Variants in SCFD2 observed in about 807,000 individuals in gnomAD.
SCFD2 encodes sec1 family domain-containing protein 2.
Under a neutral mutation model 58.9 loss-of-function variants are expected in SCFD2, and 54 were observed. The ratio of observed to expected loss-of-function variants is 0.92; its 90% CI spans 0.74 to 1.15. SCFD2 has a LOEUF of 1.15. Among genes scored for constraint, SCFD2 ranks in the 50% most tolerant of loss-of-function variants. The probability of loss-of-function intolerance (pLI) is 0.00; values close to 1 mark genes in which losing one functional copy is unlikely to be tolerated. For synonymous variants in SCFD2, 321 were observed against 335.9 expected (o/e 0.96, Z 0.49); for missense variants, 805 against 836.6 (o/e 0.96, Z 0.47).
chr4:53,157,050 T>C (rs13128142), intron 4 of SCFD2, among the ~76,000 whole-genome samples: 37,068 of 152,214 alleles, frequency 0.24, 5,500 homozygotes, highest in Non-Finnish European at 0.33. Context: ...GTCAAAATTC[T>C]GGCAAAAATT....
intron 4 of SCFD2, among the ~76,000 whole-genome samples, chr4:53,235,238 T>A (rs560804810): frequency 1.3e-5 from 2 of 152,200 alleles, no homozygotes; most frequent in Admixed American, 6.5e-5. Context: ...CCATGTGCTA[T>A]GCAAAAAGGT....
chr4:52,874,928 T>C (rs1366330207), intron 8 of SCFD2, among the ~76,000 whole-genome samples: 1 of 152,224 alleles, frequency 6.6e-6, no homozygotes, highest in Non-Finnish European at 1.5e-5. Context: ...GGAATGATAG[T>C]GATAACTAAT....
intron 5 of SCFD2, among the ~76,000 whole-genome samples, chr4:53,017,851 T>G (rs1024303549): frequency 6.6e-6 from 1 of 151,998 alleles, no homozygotes; most frequent in African/African-American, 2.4e-5. Context: ...CCTTTGCATT[T>G]GCTATTCTGT....
intron 5 of SCFD2, among the ~76,000 whole-genome samples, chr4:52,959,053 T>C (rs1359707869): frequency 1.3e-5 from 2 of 152,180 alleles, no homozygotes; most frequent in African/African-American, 4.8e-5. Context: ...ATTTGCAGAG[T>C]GCCTCATGGT....
chr4:53,009,230 G>A (rs1397007648), intron 5 of SCFD2, among the ~76,000 whole-genome samples: 6 of 152,166 alleles, frequency 3.9e-5, no homozygotes, highest in Non-Finnish European at 8.8e-5. Flanking sequence ...CTCTGTCATG[G>A]ATTAACTTCC....
At chr4:53,245,254 C>T (rs28865315) in intron 4 of SCFD2, among the ~76,000 whole-genome samples, 11,912 of 151,926 alleles carry the variant, frequency 0.078, 621 homozygotes, top group South Asian at 0.17. Flanking sequence ...TATCTCAGTC[C>T]ATGAGGCCCG....
At chr4:53,207,996 C>T (rs1728490182) in intron 4 of SCFD2, among the ~76,000 whole-genome samples, 2 of 150,566 alleles carry the variant, frequency 1.3e-5, no homozygotes, top group Admixed American at 1.3e-4. Flanking sequence ...CTAGCTCTAT[C>T]ACTAGGCTGG....
intron 5 of SCFD2, among the ~76,000 whole-genome samples, chr4:53,138,792 T>C (rs1181829644): frequency 2.6e-5 from 4 of 152,144 alleles, no homozygotes; most frequent in Non-Finnish European, 4.4e-5. Flanking sequence ...GGGAAGAATA[T>C]ACAGAAATTA....
rs1262744245 is a variant in SCFD2 at position 53,352,599 on chromosome 4, T to C, written c.1006A>G (p.Ser336Gly). ...GATGACAAAAACTATATATCTTACC[T>C]GGATTGTGAAAGACAGCCTGGTGCA... ...VVAPGCLSQS[S>G]DTTAKALWEA... is the part of the protein sequence containing the mutation. Residue 336 changes from serine (S) to glycine (G), a missense_variant and splice_region_variant, in exon 2 of 9, where the codon AGT (serine) becomes GGT (glycine). Ser to Gly is a moderately conservative substitution (Grantham distance 56, BLOSUM62 0). Around this residue, in one of 3 missense-constraint regions of SCFD2, gnomAD observed 633 missense variants for 646.8 expected, o/e 0.98. Transcript: ENST00000401642. 1.9e-6 allele frequency: 3 copies of C among 1,611,834 alleles called. No homozygotes were observed. Among genetic ancestry groups the C allele is most frequent in the South Asian group, 2.2e-5 (2 of 90,888 alleles).
intron 5 of SCFD2, among the ~76,000 whole-genome samples, chr4:53,119,629 T>C (rs1261155446): frequency 2.0e-5 from 3 of 152,226 alleles, no homozygotes; most frequent in Admixed American, 6.5e-5. Flanking sequence ...TAGCATATAC[T>C]GTTAGCCCTG....
intron 5 of SCFD2, among the ~76,000 whole-genome samples, chr4:52,995,750 G>A (rs1261090700): frequency 2.0e-5 from 3 of 152,224 alleles, no homozygotes; most frequent in East Asian, 3.8e-4. Context: ...AGGAGAGGGG[G>A]AGGGGTTGAA....
intron 5 of SCFD2, among the ~76,000 whole-genome samples, chr4:52,952,317 C>G (rs1294324590): frequency 6.8e-6 from 1 of 146,184 alleles, no homozygotes; most frequent in Non-Finnish European, 1.5e-5. Context: ...AATGGTCCCA[C>G]GTGAGGCCCA....
intron 2 of SCFD2, among the ~76,000 whole-genome samples, chr4:53,350,692 A>G (rs1048792760): frequency 6.6e-6 from 1 of 152,194 alleles, no homozygotes; most frequent in Non-Finnish European, 1.5e-5. Flanking sequence ...AGAAGTTAAG[A>G]CAGTGGCTCA....
chr4:52,971,684 T>C (rs954075907), intron 5 of SCFD2, among the ~76,000 whole-genome samples: 19 of 152,106 alleles, frequency 1.2e-4, no homozygotes, highest in East Asian at 3.9e-4. Context: ...AGATACTCCT[T>C]GAGAAGAGCA....
At chr4:52,986,580 GC>G (rs1721499979) in intron 5 of SCFD2, among the ~76,000 whole-genome samples, 1 of 136,336 alleles carries the variant, frequency 7.3e-6, no homozygotes, top group Admixed American at 8.3e-5. Context: ...CTCACTGCAA[GC>G]TCCGCCTCCC....
intron 4 of SCFD2, among the ~76,000 whole-genome samples, chr4:53,218,372 C>T (rs994648928): frequency 1.3e-5 from 2 of 152,210 alleles, no homozygotes; most frequent in African/African-American, 4.8e-5. Context: ...AACTTCTCTT[C>T]TCGCTTCATT....
chr4:53,075,669 G>A (rs1723950661), intron 5 of SCFD2, among the ~76,000 whole-genome samples: 1 of 152,158 alleles, frequency 6.6e-6, no homozygotes, highest in Non-Finnish European at 1.5e-5. Flanking sequence ...GAGAGGGAGA[G>A]AGATACAGGA....
At chr4:53,087,552 C>T (rs756976147) in intron 5 of SCFD2, among the ~76,000 whole-genome samples, 81 of 152,052 alleles carry the variant, frequency 5.3e-4, no homozygotes, top group African/African-American at 1.8e-3. Context: ...AGGCTAGTCT[C>T]GAATTCCTGA....
At chr4:53,151,440 A>T (rs78816556) in intron 4 of SCFD2, among the ~76,000 whole-genome samples, 72 of 152,312 alleles carry the variant, frequency 4.7e-4, no homozygotes, top group Non-Finnish European at 7.4e-5. Context: ...CTCAGTCACT[A>T]TGCGCAAAAG....
Sources: gnomAD v4.1 joint callset for allele counts (sites outside exome capture counted in the v4.1 genomes callset) on GRCh38, gnomAD v4.1.1 for gene constraint, gnomAD v4.1.1 regional missense constraint, MANE v1.5 for transcripts, NCBI Gene and HGNC (gene_info 2026-07-23, HGNC 2026-07-21) for gene names.